CDC14A: variants seen among roughly 807,000 people sequenced by gnomAD.
CDC14A encodes cell division cycle 14A.
CDC14A carries 53 observed loss-of-function variants against 74.4 expected under a neutral mutation model. The ratio of observed to expected loss-of-function variants is 0.71; its 90% CI spans 0.57 to 0.89. The LOEUF (loss-of-function observed/expected upper bound fraction) is 0.89. Among genes scored for constraint, CDC14A ranks in the 40% least tolerant of loss-of-function variants. The pLI is 0.00. For missense variants in CDC14A, 646 were observed against 713.7 expected (o/e 0.91, Z 1.08); for synonymous variants, 247 against 258.4 (o/e 0.96, Z 0.43).
Position 100,429,492 on chromosome 1 carries a change from G to A in CDC14A, c.389+5191G>A, listed in dbSNP as rs377677082. On this transcript the variant is annotated intron_variant, in intron 5 of 15. Transcript: ENST00000336454. ...ATTTACAGGTGTTTCTCAAAGTTAT[G>A]TTGATCCTCAAACTTATCTGCATAC... Among the ~76,000 whole-genome samples the A allele has an allele frequency of 1.9e-4, 29 of 150,868 alleles. No homozygotes were observed. The East Asian group carries it at 4.8e-3, about 25-fold the overall frequency.
At chr1:100,420,161 CCTAAAAACAAAG>C (rs1290275530) in intron 4 of CDC14A, among the ~76,000 whole-genome samples, 2 of 103,662 alleles carry the variant, frequency 1.9e-5, no homozygotes, top group African/African-American at 3.4e-5. Flanking sequence ...AAAAATAGCA[CCTAAAAACAAAG>C]CTAAAAACAT....
At chr1:100,405,255 AC>A (rs1659794068) in intron 4 of CDC14A, among the ~76,000 whole-genome samples, 3 of 152,198 alleles carry the variant, frequency 2.0e-5, no homozygotes, top group Admixed American at 6.5e-5. Flanking sequence ...AGCTTTTCTT[AC>A]TTCATTTTGC....
chr1:100,345,862 G>C (rs1307938961), intron 1 of CDC14A, among the ~76,000 whole-genome samples: 1 of 152,168 alleles, frequency 6.6e-6, no homozygotes, highest in Non-Finnish European at 1.5e-5. Flanking sequence ...ATGTGCACAT[G>C]GAAGTGAACA....
chr1:100,390,222 A>G (rs988231935), intron 3 of CDC14A, among the ~76,000 whole-genome samples: 1 of 152,188 alleles, frequency 6.6e-6, no homozygotes, highest in Non-Finnish European at 1.5e-5. Context: ...GTATTTTCAG[A>G]TATTAAAAGG....
chr1:100,405,957 G>A (rs753409386), intron 4 of CDC14A, among the ~76,000 whole-genome samples: 7 of 152,178 alleles, frequency 4.6e-5, no homozygotes, highest in Non-Finnish European at 1.0e-4. Flanking sequence ...TCGCCACACT[G>A]TCTTCCACAA....
chr1:100,499,337 G>GC, intron 15 of CDC14A, 75 bp downstream of exon 15: 1 of 1,613,892 alleles, frequency 6.2e-7, no homozygotes, highest in Non-Finnish European at 8.5e-7. Flanking sequence ...CCCAGCCGAG[G>GC]CTGCCACCAA....
chr1:100,456,618 AAC>A (rs1236416376), intron 8 of CDC14A, among the ~76,000 whole-genome samples: 3 of 151,496 alleles, frequency 2.0e-5, no homozygotes, highest in African/African-American at 7.3e-5. Flanking sequence ...CAGCCTCGGC[AAC>A]ATAGCAAAAC....
intron 2 of CDC14A, among the ~76,000 whole-genome samples, chr1:100,375,612 T>C (rs1048810238): frequency 1.3e-5 from 2 of 152,308 alleles, no homozygotes; most frequent in African/African-American, 4.8e-5. Context: ...CATTTCACAC[T>C]AGTTAGAATG....
chr1:100,464,956 C>T (rs1480836067), intron 9 of CDC14A, among the ~76,000 whole-genome samples: 47 of 147,488 alleles, frequency 3.2e-4, no homozygotes, highest in African/African-American at 1.1e-3. Context: ...CAAAGAGTCT[C>T]GCTCTGTCAC....
At position 100,393,295 on chromosome 1, in the gene CDC14A, A is replaced by G. The variant is rs749408982; in HGVS notation, c.309+2471A>G. On this transcript the variant is annotated intron_variant, in intron 4 of 15. Coordinates refer to ENST00000336454, the MANE Select transcript of CDC14A (RefSeq NM_003672.4). ...ATCATATGAACTAGATTTTCATTGT[A>G]TACTTTCCAGGCATTACATCCATGC... The G allele has an allele frequency of 1.3e-4, 159 of 1,236,142 alleles. No individual in the cohort carries two copies. The Middle Eastern group carries it at 2.5e-3, about 19-fold the overall frequency. The allele number at this position is 1,236,142 out of a possible 1,614,324, so 76.6% of individuals were successfully genotyped here.
At chr1:100,418,843 A>C (rs978991363) in intron 4 of CDC14A, among the ~76,000 whole-genome samples, 1 of 152,138 alleles carries the variant, frequency 6.6e-6, no homozygotes, top group Admixed American at 6.6e-5. Flanking sequence ...TTGCTCCCCA[A>C]ATGATGTGTT....
At chr1:100,494,766 C>T (rs572335204) in intron 11 of CDC14A, 52 bp from the exon 12 acceptor site, 2 of 915,106 alleles carry the variant, frequency 2.2e-6, no homozygotes, top group African/African-American at 3.3e-5. Flanking sequence ...TGTTAAGAAA[C>T]CTATATAAAG....
chr1:100,450,045 C>T (rs1258597363), intron 7 of CDC14A, among the ~76,000 whole-genome samples: 1 of 151,302 alleles, frequency 6.6e-6, no homozygotes, highest in African/African-American at 2.4e-5. Context: ...TTATTTACAA[C>T]ACAGATTGCT....
At chr1:100,372,266 G>A (rs1654584312) in intron 2 of CDC14A, among the ~76,000 whole-genome samples, 1 of 152,124 alleles carries the variant, frequency 6.6e-6, no homozygotes, top group Non-Finnish European at 1.5e-5. Context: ...TGAAGGTTGG[G>A]GTGGCTGTGG....
Position 100,434,144 on chromosome 1 carries a change from A to G in CDC14A, c.390-5788A>G, listed in dbSNP as rs147617834. Among the ~76,000 whole-genome samples the G allele has an allele frequency of 2.2e-3, 336 of 152,324 alleles. 1 individual carries two copies. The highest frequency in any genetic ancestry group is 0.02 in the Middle Eastern group (6 of 294). On this transcript the variant is annotated intron_variant, in intron 5 of 15. Coordinates refer to ENST00000336454, the MANE Select transcript of CDC14A (RefSeq NM_003672.4). Reference sequence around the variant, plus strand: ...TATTTATTGACTGCAAATTCTTCCTATGGTCATAGTTGTGGATTTTTATAA... The same window carrying G: ...TATTTATTGACTGCAAATTCTTCCTGTGGTCATAGTTGTGGATTTTTATAA...
intron 2 of CDC14A, among the ~76,000 whole-genome samples, chr1:100,359,058 TC>T (rs1652317026): frequency 1.3e-5 from 2 of 152,192 alleles, no homozygotes; most frequent in African/African-American, 4.8e-5. Flanking sequence ...ACCTCAATTC[TC>T]ATTATAAATT....
intron 4 of CDC14A, chr1:100,393,804 G>A (rs969009243): frequency 2.1e-4 from 61 of 292,576 alleles, no homozygotes; most frequent in Admixed American, 9.1e-4. Context: ...TTAGCTGGGC[G>A]TGGTGATGCG....
At chr1:100,395,511 G>A (rs1232449574) in intron 4 of CDC14A, among the ~76,000 whole-genome samples, 1 of 152,178 alleles carries the variant, frequency 6.6e-6, no homozygotes, top group Non-Finnish European at 1.5e-5. Context: ...TATTGAATCA[G>A]AATGTATCTT....
At chr1:100,375,946 C>CA (rs535943192) in intron 2 of CDC14A, among the ~76,000 whole-genome samples, 1,734 of 152,240 alleles carry the variant, frequency 0.011, 30 homozygotes, top group African/African-American at 0.04. Context: ...GGCACGTATA[C>CA]ACCATGGAAT....
Sources: gnomAD v4.1 joint callset for allele counts (sites outside exome capture counted in the v4.1 genomes callset) on GRCh38, gnomAD v4.1.1 for gene constraint, MANE v1.5 for transcripts, NCBI Gene and HGNC (gene_info 2026-07-23, HGNC 2026-07-21) for gene names.